PRKN: variants seen among roughly 807,000 people sequenced by gnomAD.
The protein encoded by PRKN is E3 ubiquitin-protein ligase parkin.
In PRKN, 56 loss-of-function variants were observed where a neutral mutation model predicts 59.5. That is an observed-to-expected ratio of 0.94 (90% CI 0.76 to 1.18). The LOEUF is 1.18. Among genes scored for constraint, PRKN ranks in the 50% most tolerant of loss-of-function variants. PRKN has a pLI of 0.00. For synonymous variants in PRKN, 250 were observed against 222.1 expected (o/e 1.13, Z -1.12); for missense variants, 657 against 596.4 (o/e 1.10, Z -1.06).
Position 162,621,971 on chromosome 6 carries a change from C to T in PRKN, c.7+105691G>A, listed in dbSNP as rs62429089. ...CTGGGACTACAGGTATATGCCACCA[C>T]GCCTAGCTAATTGTATTTTTTAGTA... is the stretch of plus-strand genomic sequence containing the variant. On this transcript the variant is annotated intron_variant, in intron 1 of 11. Transcript: ENST00000366898. 3.9e-5 allele frequency among the ~76,000 whole-genome samples: 6 copies of T among 152,172 alleles called. 1 individual carries two copies. In the East Asian group the frequency reaches 1.2e-3, roughly 30 times the overall value.
rs370376446 is a variant in PRKN, at chr6:161,545,364, T to G, written c.1083+3490A>C. The G allele has an allele frequency of 3.1e-6, 5 of 1,611,324 alleles. No homozygotes were observed. In the Admixed American group the frequency reaches 5.0e-5, roughly 16 times the overall value. On this transcript the variant is annotated intron_variant, in intron 9 of 11. Transcript: ENST00000366898. The surrounding 1 kb of genome is among the most constrained non-coding windows in gnomAD (Gnocchi z 4.1). ...TTCTATAGCTTTGCTACCAATGACT[T>G]TTCCTTGAACGATGTATTGAATGAG...
intron 1 of PRKN, among the ~76,000 whole-genome samples, chr6:162,601,714 T>C (rs143282092): frequency 1.0e-3 from 154 of 152,310 alleles, no homozygotes; most frequent in African/African-American, 3.6e-3. Context: ...CATTTTTATA[T>C]ATGAGGAGTA....
chr6:162,118,130 G>A (rs1780752901), intron 4 of PRKN, among the ~76,000 whole-genome samples: 1 of 151,968 alleles, frequency 6.6e-6, no homozygotes, highest in African/African-American at 2.4e-5. Context: ...AGTATGATTG[G>A]GCCGGGCGCA....
intron 3 of PRKN, among the ~76,000 whole-genome samples, chr6:162,250,384 A>C (rs1257015826): frequency 1.3e-5 from 2 of 152,168 alleles, no homozygotes; most frequent in Non-Finnish European, 2.9e-5. Context: ...ATAACCCCAA[A>C]GTCAATGGTT....
rs145824039 is a variant in PRKN, at chr6:161,566,627, A to G, written c.933+2728T>C. Among the ~76,000 whole-genome samples the G allele has an allele frequency of 3.6e-3, 554 of 152,236 alleles. 13 individuals are homozygous for G. The East Asian group carries it at 0.064, about 17-fold the overall frequency. On this transcript the variant is annotated intron_variant, in intron 8 of 11. Coordinates refer to ENST00000366898, the MANE Select transcript of PRKN (RefSeq NM_004562.3). This position sits in a 1 kb window ranked among gnomAD's most constrained non-coding sequence, Gnocchi z 4.1. Reference sequence around the variant, plus strand: ...TCGCCATGTTGGTCAGGCTGGTCTCAGACTCCTGACCTCAGGTGATCCATT... The same window carrying G: ...TCGCCATGTTGGTCAGGCTGGTCTCGGACTCCTGACCTCAGGTGATCCATT...
chr6:161,721,736 G>A (rs925444156), intron 7 of PRKN, among the ~76,000 whole-genome samples: 7 of 152,186 alleles, frequency 4.6e-5, no homozygotes, highest in African/African-American at 1.7e-4. Flanking sequence ...TGCCTTCAGA[G>A]GGCTGCTGCC....
intron 9 of PRKN, among the ~76,000 whole-genome samples, chr6:161,510,981 A>G (rs1275814368): frequency 6.6e-6 from 1 of 152,164 alleles, no homozygotes; most frequent in Non-Finnish European, 1.5e-5. Context: ...TTCTTCCAAT[A>G]TGGAAGATGC....
At chr6:161,839,356 G>A (rs1040197703) in intron 6 of PRKN, among the ~76,000 whole-genome samples, 1 of 152,082 alleles carries the variant, frequency 6.6e-6, no homozygotes, top group Admixed American at 6.6e-5. Context: ...GCACTAAGTC[G>A]GGGGTCACGG....
At chr6:161,733,783 A>AATATATATATATATGTATATATAT (rs1399635892) in intron 7 of PRKN, among the ~76,000 whole-genome samples, 5 of 86,214 alleles carry the variant, frequency 5.8e-5, no homozygotes, top group African/African-American at 8.8e-5. Context: ...AAAAAAAAAA[A>AATATATATATATATGTATATATAT]ATATATATAT....
intron 1 of PRKN, among the ~76,000 whole-genome samples, chr6:162,600,227 C>T (rs1172625535): frequency 1.3e-5 from 2 of 152,146 alleles, no homozygotes; most frequent in Non-Finnish European, 2.9e-5. Flanking sequence ...TTCATGCCAT[C>T]ACGTGGTATA....
rs1209950024 is a variant in PRKN, at chr6:161,560,961, C to T, written c.933+8394G>A. ...AAAATTCCACGCCTGGAAAACATCA[C>T]CTCCACCTTCCCTGGGCGTGTAGCC... On this transcript the variant is annotated intron_variant, in intron 8 of 11. Coordinates refer to ENST00000366898, the MANE Select transcript of PRKN (RefSeq NM_004562.3). This position sits in a 1 kb window ranked among gnomAD's most constrained non-coding sequence, Gnocchi z 4.9. Among the ~76,000 whole-genome samples the T allele has an allele frequency of 6.6e-6, 1 of 152,190 alleles. No individual in the cohort carries two copies. The highest frequency in any genetic ancestry group is 1.5e-5 in the Non-Finnish European group (1 of 68,034).
chr6:161,528,873 A>G (rs1285508089), intron 9 of PRKN, among the ~76,000 whole-genome samples: 1 of 152,198 alleles, frequency 6.6e-6, no homozygotes. Flanking sequence ...TTAAGCCACA[A>G]CTGAAAAAAG....
chr6:161,667,173 C>A (rs1197529214), intron 7 of PRKN, among the ~76,000 whole-genome samples: 1 of 152,180 alleles, frequency 6.6e-6, no homozygotes, highest in Non-Finnish European at 1.5e-5. Flanking sequence ...ATATAGAAAA[C>A]TCAGCAGGAG....
chr6:162,434,609 C>G (rs1477601512), intron 2 of PRKN, among the ~76,000 whole-genome samples: 1 of 152,112 alleles, frequency 6.6e-6, no homozygotes, highest in Non-Finnish European at 1.5e-5. Context: ...TATACTTTAA[C>G]ATAAACTATT....
At chr6:161,434,952 C>G (rs140649145) in intron 9 of PRKN, among the ~76,000 whole-genome samples, 3 of 152,142 alleles carry the variant, frequency 2.0e-5, no homozygotes, top group African/African-American at 7.2e-5. Flanking sequence ...TAAAGAGTTC[C>G]TGGGAAGAAG....
At chr6:161,617,705 A>T (rs908140628) in intron 7 of PRKN, among the ~76,000 whole-genome samples, 5 of 152,222 alleles carry the variant, frequency 3.3e-5, no homozygotes, top group African/African-American at 4.8e-5. Flanking sequence ...CATATCCAAC[A>T]TAAGTGGAGG....
chr6:161,917,416 T>A (rs1778610430), intron 6 of PRKN, among the ~76,000 whole-genome samples: 1 of 152,164 alleles, frequency 6.6e-6, no homozygotes, highest in Admixed American at 6.5e-5. Context: ...GATTTTTTCA[T>A]TTTTATTTCA....
chr6:161,661,398 G>A (rs1477700069), intron 7 of PRKN, among the ~76,000 whole-genome samples: 3 of 152,000 alleles, frequency 2.0e-5, no homozygotes, highest in African/African-American at 7.3e-5. Context: ...CATCTGCCTG[G>A]AACTCCCCTC....
intron 3 of PRKN, among the ~76,000 whole-genome samples, chr6:162,260,997 G>A (rs1362695759): frequency 6.6e-6 from 1 of 152,094 alleles, no homozygotes; most frequent in African/African-American, 2.4e-5. Context: ...GATGGGGAGG[G>A]ACAACTGTAC....
Sources: allele counts gnomAD v4.1 joint callset (sites outside exome capture counted in the v4.1 genomes callset), GRCh38; gene constraint gnomAD v4.1.1; non-coding constraint Gnocchi (gnomAD v3.1); transcripts MANE v1.5; gene names NCBI Gene and HGNC (gene_info 2026-07-23, HGNC 2026-07-21).